The following FHAD1 variants were observed in gnomAD, a reference collection of about 807,000 sequenced individuals.
FHAD1 encodes the protein forkhead associated phosphopeptide binding domain 1.
A neutral mutation model predicts 191.3 loss-of-function variants in FHAD1; 146 were observed. That is an observed-to-expected ratio of 0.76 (90% CI 0.67 to 0.88). FHAD1 has a LOEUF of 0.88. Among genes scored for constraint, FHAD1 ranks in the 40% least tolerant of loss-of-function variants. The pLI is 0.00. For synonymous variants in FHAD1, 616 were observed against 672.3 expected (o/e 0.92, Z 1.29); for missense variants, 1,635 against 1,785.8 (o/e 0.92, Z 1.52).
intron 32 of FHAD1, among the ~76,000 whole-genome samples, chr1:15,390,993 T>C (rs1703887784): frequency 6.6e-6 from 1 of 152,130 alleles, no homozygotes; most frequent in Non-Finnish European, 1.5e-5. Flanking sequence ...CTCAGCAAGA[T>C]GGGGCACTGT....
At chr1:15,354,647 A>G (rs571848372) in intron 20 of FHAD1, among the ~76,000 whole-genome samples, 3 of 152,154 alleles carry the variant, frequency 2.0e-5, no homozygotes, top group African/African-American at 7.2e-5. Flanking sequence ...GTAAGTTGGG[A>G]CATAAAAGGG....
chr1:15,399,155 T>G (rs12754930), downstream of FHAD1, among the ~76,000 whole-genome samples: 7,090 of 152,196 alleles, frequency 0.047, 220 homozygotes, highest in South Asian at 0.12. Context: ...CACAATAAAA[T>G]TTTTTTTATA....
chr1:15,305,776 CGCCTCCCACCATGATTCTGAG>C (rs376336958), intron 6 of FHAD1: 364 of 448,590 alleles, frequency 8.1e-4, no homozygotes, highest in African/African-American at 6.7e-3. Context: ...AAGTGCTTTT[CGCCTCCCACCATGATTCTGAG>C]GCCTCCCCGG....
rs114039737 is a variant in FHAD1, at chr1:15,320,675, C to A, written c.1365+2747C>A. ...AAGGTAGCTCCATCAGATACACTAG[C>A]TTTCTTTTGATTTGAGTTTTCATAG... On this transcript the variant is annotated intron_variant, in intron 10 of 33. Transcript: ENST00000688493. Among the ~76,000 whole-genome samples the A allele has an allele frequency of 7.7e-3, 1,173 of 152,260 alleles. 15 individuals are homozygous for A. Among genetic ancestry groups the A allele is most frequent in the African/African-American group, 0.027 (1,122 of 41,532 alleles).
At chr1:15,319,447 A>G (rs985736513) in intron 10 of FHAD1, among the ~76,000 whole-genome samples, 1 of 152,210 alleles carries the variant, frequency 6.6e-6, no homozygotes, top group African/African-American at 2.4e-5. Flanking sequence ...TTATTTATCA[A>G]TTAAAACTTA....
At chr1:15,299,814 T>C (rs1266093798) in intron 5 of FHAD1, among the ~76,000 whole-genome samples, 2 of 152,226 alleles carry the variant, frequency 1.3e-5, no homozygotes, top group Non-Finnish European at 2.9e-5. Context: ...GGGTAACTCA[T>C]ATTGGATAAG....
chr1:15,340,623 T>C (rs989975191), intron 15 of FHAD1, among the ~76,000 whole-genome samples: 15 of 152,126 alleles, frequency 9.9e-5, no homozygotes, highest in Admixed American at 9.8e-4. Context: ...CTGAGTTCAG[T>C]GTCTGGAGGC....
intron 16 of FHAD1, 135 bp downstream of exon 16, chr1:15,342,023 A>G: frequency 1.5e-6 from 1 of 687,454 alleles, no homozygotes; most frequent in Non-Finnish European, 2.3e-6. Context: ...AATTAATTAA[A>G]CAGGGTGAAT....
At chr1:15,288,636 T>G (rs1416684537) in intron 3 of FHAD1, among the ~76,000 whole-genome samples, 1 of 152,168 alleles carries the variant, frequency 6.6e-6, no homozygotes, top group Non-Finnish European at 1.5e-5. Context: ...ACCTACTAGG[T>G]ATGTGCCAAG....
intron 2 of FHAD1, among the ~76,000 whole-genome samples, chr1:15,266,829 A>T (rs575178234): frequency 2.0e-5 from 3 of 152,358 alleles, no homozygotes; most frequent in African/African-American, 7.2e-5. Flanking sequence ...TGTAGTTGAA[A>T]TCATACAATA....
At chr1:15,374,055 A>G (rs1324583479) in intron 26 of FHAD1, among the ~76,000 whole-genome samples, 4 of 152,176 alleles carry the variant, frequency 2.6e-5, no homozygotes, top group African/African-American at 7.2e-5. Flanking sequence ...CTCCAGCCCA[A>G]CCAAGAGCCA....
In FHAD1 at chr1:15,336,203, G is replaced by A. The variant is rs190535571; in HGVS notation, c.1907-3278G>A. ...AGCTTAACCTTGGGGAGCTTCTGTC[G>A]TTTCACCTATAAATATGAACATACT... On this transcript the variant is annotated intron_variant, in intron 14 of 33. Transcript: ENST00000688493. Among the ~76,000 whole-genome samples the A allele has an allele frequency of 2.8e-3, 430 of 152,214 alleles. 2 individuals are homozygous for A. The highest frequency in any genetic ancestry group is 5.4e-3 in the South Asian group (26 of 4,824).
Position 15,310,353 on chromosome 1 carries a change from A to G in FHAD1, c.1039+1617A>G, listed in dbSNP as rs1241826249. Among the ~76,000 whole-genome samples, 7 of 152,078 alleles carry G rather than the reference A, an allele frequency of 4.6e-5. No individual in the cohort carries two copies. The South Asian group carries it at 1.0e-3, about 23-fold the overall frequency. On this transcript the variant is annotated intron_variant, in intron 7 of 33. Transcript: ENST00000688493. ...GCTTCTACCTCTGTTCTTCCCTAAC[A>G]TGGAATGTTCTTGGATACTTGTGAG... is the stretch of plus-strand genomic sequence containing the variant.
chr1:15,332,543 C>G (rs1349327145), intron 14 of FHAD1, among the ~76,000 whole-genome samples: 2 of 152,020 alleles, frequency 1.3e-5, no homozygotes, highest in African/African-American at 4.8e-5. Flanking sequence ...CCCCTCATCT[C>G]CAAAAAATTT....
chr1:15,267,809 TTATAAA>T (rs1438761209), intron 2 of FHAD1, among the ~76,000 whole-genome samples: 3 of 147,142 alleles, frequency 2.0e-5, no homozygotes, highest in Non-Finnish European at 4.5e-5. Context: ...GATATATAAA[TTATAAA>T]TATAAATTTT....
intron 14 of FHAD1, among the ~76,000 whole-genome samples, chr1:15,337,580 G>A (rs1014491687): frequency 6.6e-6 from 1 of 152,100 alleles, no homozygotes; most frequent in African/African-American, 2.4e-5. Context: ...GGGTGCCCCT[G>A]GCATCCAGTG....
At chr1:15,284,101 C>T (rs549244624) in intron 3 of FHAD1, among the ~76,000 whole-genome samples, 116 of 152,240 alleles carry the variant, frequency 7.6e-4, no homozygotes, top group South Asian at 6.0e-3. Flanking sequence ...GAGTTATTCT[C>T]GTGATTAGAT....
chr1:15,271,295 G>A (rs112152918), intron 2 of FHAD1, among the ~76,000 whole-genome samples: 21,795 of 152,054 alleles, frequency 0.14, 1,775 homozygotes, highest in Middle Eastern at 0.2. Context: ...CCTGGGTGAC[G>A]GAGCGAGACT....
chr1:15,244,922 C>T (rs896692596), upstream of FHAD1, among the ~76,000 whole-genome samples: 1 of 152,184 alleles, frequency 6.6e-6, no homozygotes, highest in Admixed American at 6.5e-5. This position sits in a 1 kb window ranked among gnomAD's most constrained non-coding sequence, Gnocchi z 5.1. Context: ...GCAGGTTGTA[C>T]AAGAAGCATG....
Sources: gnomAD v4.1 joint callset for allele counts (sites outside exome capture counted in the v4.1 genomes callset) on GRCh38, gnomAD v4.1.1 for gene constraint, Gnocchi (gnomAD v3.1) non-coding constraint, MANE v1.5 for transcripts, NCBI Gene and HGNC (gene_info 2026-07-23, HGNC 2026-07-21) for gene names.